Variants in ZRANB3 observed in about 807,000 individuals in gnomAD.
ZRANB3 encodes zinc finger RANBP2-type containing 3.
In ZRANB3, 125 loss-of-function variants were observed where a neutral mutation model predicts 133.8. The ratio of observed to expected loss-of-function variants is 0.93; its 90% CI spans 0.81 to 1.08. The LOEUF is 1.08. Among genes scored for constraint, ZRANB3 ranks in the 50% least tolerant of loss-of-function variants. The pLI is 0.00. For missense variants in ZRANB3, 1,229 were observed against 1,275.5 expected, an observed-to-expected ratio of 0.96 and a Z score of 0.56; for synonymous variants, 387 against 432.7, an observed-to-expected ratio of 0.89 and a Z score of 1.31.
At chr2:135,475,696 T>C (rs888996811) in intron 2 of ZRANB3, among the ~76,000 whole-genome samples, 1 of 152,206 alleles carries the variant, frequency 6.6e-6, no homozygotes, top group African/African-American at 2.4e-5. Context: ...TTAGGTTATT[T>C]TGGGGATTCA....
intron 2 of ZRANB3, among the ~76,000 whole-genome samples, chr2:135,479,437 C>T (rs1354978100): frequency 6.6e-6 from 1 of 152,094 alleles, no homozygotes; most frequent in Non-Finnish European, 1.5e-5. Flanking sequence ...GAGTTCAAGA[C>T]CAGCCTGGCC....
intron 12 of ZRANB3, among the ~76,000 whole-genome samples, chr2:135,236,639 T>C (rs1695299422): frequency 6.6e-6 from 1 of 152,054 alleles, no homozygotes; most frequent in African/African-American, 2.4e-5. Context: ...ATGCCGCATA[T>C]CTACAACTAT....
At chr2:135,528,274 G>A (rs547096487) in intron 1 of ZRANB3, among the ~76,000 whole-genome samples, 1 of 151,970 alleles carries the variant, frequency 6.6e-6, no homozygotes, top group African/African-American at 2.4e-5. Flanking sequence ...TCAGCCTCCT[G>A]TGTAGCTGGA....
chr2:135,473,852 T>C (rs1317632267), intron 2 of ZRANB3, among the ~76,000 whole-genome samples: 2 of 152,142 alleles, frequency 1.3e-5, no homozygotes, highest in African/African-American at 4.8e-5. Flanking sequence ...TATCACTTTT[T>C]ATAGAAGAAA....
At chr2:135,339,220 T>C (rs1290753569) in intron 6 of ZRANB3, among the ~76,000 whole-genome samples, 1 of 152,134 alleles carries the variant, frequency 6.6e-6, no homozygotes, top group Non-Finnish European at 1.5e-5. Flanking sequence ...GAGAACAGCT[T>C]CACCAATGTG....
At chr2:135,290,524 CTTGG>C (rs1260146757) in intron 8 of ZRANB3, among the ~76,000 whole-genome samples, 1 of 152,222 alleles carries the variant, frequency 6.6e-6, no homozygotes, top group Non-Finnish European at 1.5e-5. Flanking sequence ...ACAGCAGATA[CTTGG>C]TTGATGAATT....
At chr2:135,471,930 G>A (rs1434870806) in intron 2 of ZRANB3, among the ~76,000 whole-genome samples, 1 of 152,128 alleles carries the variant, frequency 6.6e-6, no homozygotes. Flanking sequence ...TTATCATGAA[G>A]AGACAACTTC....
At chr2:135,430,269 G>A (rs1471496706) in intron 2 of ZRANB3, among the ~76,000 whole-genome samples, 1 of 152,040 alleles carries the variant, frequency 6.6e-6, no homozygotes, top group Non-Finnish European at 1.5e-5. Context: ...GATGAAGAGA[G>A]CCATAGTTTT....
intron 2 of ZRANB3, among the ~76,000 whole-genome samples, chr2:135,406,899 CAA>C (rs1688060899): frequency 6.6e-6 from 1 of 152,178 alleles, no homozygotes; most frequent in African/African-American, 2.4e-5. Flanking sequence ...GCATTCCCTT[CAA>C]AACATGGCAC....
intron 2 of ZRANB3, among the ~76,000 whole-genome samples, chr2:135,453,005 C>T (rs1410712837): frequency 6.6e-6 from 1 of 152,262 alleles, no homozygotes; most frequent in African/African-American, 2.4e-5. Context: ...GGGCCCTGCC[C>T]TTGCAGCAAA....
At chr2:135,371,534 T>C (rs1289178077) in intron 3 of ZRANB3, among the ~76,000 whole-genome samples, 2 of 152,180 alleles carry the variant, frequency 1.3e-5, no homozygotes, top group Non-Finnish European at 2.9e-5. Context: ...ATAACCCAGT[T>C]GTGCAAAACA....
At chr2:135,234,649 A>G (rs1695204267) in intron 12 of ZRANB3, among the ~76,000 whole-genome samples, 1 of 152,204 alleles carries the variant, frequency 6.6e-6, no homozygotes, top group African/African-American at 2.4e-5. Flanking sequence ...TCAAAACCGC[A>G]TAACTACATG....
intron 14 of ZRANB3, among the ~76,000 whole-genome samples, chr2:135,227,126 G>A (rs1475841775): frequency 6.6e-6 from 1 of 152,178 alleles, no homozygotes; most frequent in Non-Finnish European, 1.5e-5. Flanking sequence ...ATATCAATCT[G>A]TATGTTACTA....
intron 2 of ZRANB3, among the ~76,000 whole-genome samples, chr2:135,451,206 T>A (rs1376399804): frequency 6.6e-6 from 1 of 152,092 alleles, no homozygotes; most frequent in Non-Finnish European, 1.5e-5. Flanking sequence ...TCAACAATAT[T>A]CCTATGAATA....
At chr2:135,387,893 G>A (rs558861876) in intron 3 of ZRANB3, among the ~76,000 whole-genome samples, 4 of 152,246 alleles carry the variant, frequency 2.6e-5, no homozygotes, top group Non-Finnish European at 4.4e-5. Flanking sequence ...TTTGTATAAC[G>A]GGAACACTCT....
chr2:135,309,372 C>T (rs1369610568), intron 8 of ZRANB3, among the ~76,000 whole-genome samples: 2 of 152,036 alleles, frequency 1.3e-5, no homozygotes, highest in East Asian at 1.9e-4. Flanking sequence ...CATTTCTATC[C>T]AAAATTGTAC....
At chr2:135,397,654 T>C (rs1687552998) in intron 2 of ZRANB3, among the ~76,000 whole-genome samples, 1 of 152,160 alleles carries the variant, frequency 6.6e-6, no homozygotes, top group Non-Finnish European at 1.5e-5. Flanking sequence ...CTAATTTAAG[T>C]TATTTTAGCA....
intron 5 of ZRANB3, among the ~76,000 whole-genome samples, chr2:135,347,155 G>A (rs774283914): frequency 2.0e-5 from 3 of 152,030 alleles, no homozygotes; most frequent in East Asian, 1.9e-4. Flanking sequence ...TCCATTGTAC[G>A]GCTATATCAC....
chr2:135,284,296 T>A (rs1681241329), intron 8 of ZRANB3, among the ~76,000 whole-genome samples: 1 of 152,228 alleles, frequency 6.6e-6, no homozygotes, highest in Admixed American at 6.5e-5. Flanking sequence ...TAGTGAACAT[T>A]ATAAAAGTAT....
Sources: gnomAD v4.1 joint callset for allele counts (sites outside exome capture counted in the v4.1 genomes callset) on GRCh38, gnomAD v4.1.1 for gene constraint, MANE v1.5 for transcripts, NCBI Gene and HGNC (gene_info 2026-07-23, HGNC 2026-07-21) for gene names.